The following L1CAM variants were observed in gnomAD, a reference collection of about 807,000 sequenced individuals.
L1CAM encodes the protein L1 cell adhesion molecule.
A neutral mutation model predicts 93.0 loss-of-function variants in L1CAM; 8 were observed. The ratio of observed to expected loss-of-function variants is 0.09; its 90% CI spans 0.05 to 0.16. The LOEUF is 0.16. Among genes scored for constraint, L1CAM ranks in the 10% least tolerant of loss-of-function variants. The pLI is 1.00. For synonymous variants in L1CAM, 453 were observed against 453.0 expected (o/e 1.00, Z 0.00); for missense variants, 777 against 1,073.4 (o/e 0.72, Z 3.86).
intron 1 of L1CAM, chrX:153,885,857 ACCC>A: frequency 2.5e-6 from 2 of 798,355 alleles, no homozygotes; most frequent in Non-Finnish European, 3.1e-6. Context: ...GGGCTCGGGC[ACCC>A]GGCATCCCTC....
Position 153,870,722 on chromosome X carries a change from A to G in L1CAM, c.694+68T>C, listed in dbSNP as rs782819212. The G allele has an allele frequency of 2.8e-5, 30 of 1,078,803 alleles. 1 individual carries two copies. In the Admixed American group the frequency reaches 6.1e-4, roughly 22 times the overall value. The allele number at this position is 1,078,803 out of a possible 1,213,427, so 88.9% of individuals were successfully genotyped here. A position where few individuals can be genotyped will look rare whatever the true frequency, so the allele number is the denominator to read the frequency against. ...AAGCCTGGAGTTGTCAGATGGACCT[A>G]TGGTGGGAAGGGCCATGCCTGAGGG... On this transcript the variant is annotated intron_variant, in intron 7 of 28. Coordinates refer to ENST00000370060, the MANE Select transcript of L1CAM (RefSeq NM_001278116.2).
intron 1 of L1CAM, among the ~76,000 whole-genome samples, chrX:153,883,532 C>T (rs781811908): frequency 8.9e-6 from 1 of 112,375 alleles, no homozygotes; most frequent in South Asian, 3.6e-4. Context: ...GCTGCAGGCC[C>T]ATTCCAGATG....
chrX:153,863,129 C>T (rs1251257990), intron 28 of L1CAM, among the ~76,000 whole-genome samples: 1 of 111,925 alleles, frequency 8.9e-6, no homozygotes, highest in Non-Finnish European at 1.9e-5. Flanking sequence ...GGGCCTGGTT[C>T]CTGTCTGGGA....
Position 153,866,776 on chromosome X carries a change from G to A in L1CAM, c.2304C>T (p.Val768=). ...TGGACACCACCAGGAAGGGGTCGCT[G>A]ACAATCTGCTCCTGCCAGGGCCCTC... is the stretch of plus-strand genomic sequence containing the variant. ...GTRGPWQEQI[V]SDPFLVVSNT... The change falls in exon 19 of 29, where the codon GTC becomes GTT. Residue 768 remains valine, a synonymous_variant. Transcript: ENST00000370060. 5 of 1,211,526 alleles carry A rather than the reference G, an allele frequency of 4.1e-6. No individual in the cohort carries two copies. The highest frequency in any genetic ancestry group is 5.6e-6 in the Non-Finnish European group (5 of 895,182).
chrX:153,872,333 A>G lies in L1CAM; in HGVS notation c.219T>C (p.Gly73=), dbSNP rs1443862182. The change falls in exon 5 of 29, where the codon GGT becomes GGC. Residue 73 remains glycine, a synonymous_variant. Coordinates refer to ENST00000370060, the MANE Select transcript of L1CAM (RefSeq NM_001278116.2). ...PEVQFRWTRD[G]VHFKPKEELG... ...GCTCTTCCTTGGGTTTGAAGTGGAC[A>G]CCATCCCTCGTCCAGCGGAACCTGT... 3.3e-6 allele frequency: 4 copies of G among 1,205,020 alleles called. No individual in the cohort carries two copies. The highest frequency in any genetic ancestry group is 4.5e-6 in the Non-Finnish European group (4 of 893,712).
In L1CAM at chrX:153,885,250, C is replaced by A. The variant is rs2064871575; in HGVS notation, c.-109+815G>T. ...AGGGACCGCCTGAGCCAGTGAGGCC[C>A]ACCTTCCCTCACCCCTACCTGATGG... is the stretch of plus-strand genomic sequence containing the variant. On this transcript the variant is annotated intron_variant, in intron 1 of 28. Transcript: ENST00000370060. The A allele has an allele frequency of 1.3e-5, 5 of 396,760 alleles. No homozygotes were observed. The South Asian group carries it at 1.4e-4, about 11-fold the overall frequency. The allele number at this position is 396,760 out of a possible 1,213,427, so 32.7% of individuals were successfully genotyped here.
In L1CAM at chrX:153,867,137, G is replaced by A; in HGVS notation, c.2138-13C>T. On this transcript the variant is annotated splice_polypyrimidine_tract_variant and intron_variant, in intron 17 of 28. Transcript: ENST00000370060. ...TTCTTCTCTGGGGCTGGAAAGGAAA[G>A]TATTAACACATCAATGCTGCAGCCT... 8.4e-7 allele frequency: 1 copy of A among 1,188,971 alleles called. No individual in the cohort carries two copies. Among genetic ancestry groups the A allele is most frequent in the African/African-American group, 1.7e-5 (1 of 57,411 alleles).
At chrX:153,879,869 G>C (rs1042160165) in intron 1 of L1CAM, among the ~76,000 whole-genome samples, 1 of 112,182 alleles carries the variant, frequency 8.9e-6, no homozygotes, top group Non-Finnish European at 1.9e-5. Flanking sequence ...CCTGGCTGGA[G>C]GAGACGCACA....
intron 20 of L1CAM, 69 bp downstream of exon 20, chrX:153,865,635 G>A: frequency 9.9e-7 from 1 of 1,014,380 alleles, no homozygotes; most frequent in Non-Finnish European, 1.4e-6. Flanking sequence ...AGGTGGCAAA[G>A]CCCCCTCACC....
At chrX:153,885,125 A>G (rs2064870987) in intron 1 of L1CAM, among the ~76,000 whole-genome samples, 1 of 112,883 alleles carries the variant, frequency 8.9e-6, no homozygotes, top group Non-Finnish European at 1.9e-5. Context: ...AGAGGCCCCA[A>G]AAGTCTGACC....
At chrX:153,863,619 C>G in intron 26 of L1CAM, 70 bp from the exon 27 acceptor site, 2 of 986,438 alleles carry the variant, frequency 2.0e-6, no homozygotes, top group Non-Finnish European at 2.8e-6. Flanking sequence ...CCCCTCTACG[C>G]CCCGCACCCC....
At chrX:153,871,465 A>G (rs1017238454) in intron 5 of L1CAM, among the ~76,000 whole-genome samples, 5 of 109,659 alleles carry the variant, frequency 4.6e-5, no homozygotes, top group Non-Finnish European at 9.5e-5. Context: ...CTAGGAAAGG[A>G]CGGGTGGGGG....
intron 28 of L1CAM, 80 bp from the exon 29 acceptor site, chrX:153,862,974 C>A: frequency 1.3e-6 from 1 of 771,887 alleles, no homozygotes; most frequent in Non-Finnish European, 1.9e-6. Context: ...GGCAGACGCC[C>A]GCCTGCCTTC....
chrX:153,873,919 C>T (rs781992220), intron 2 of L1CAM, among the ~76,000 whole-genome samples: 18 of 112,442 alleles, frequency 1.6e-4, no homozygotes, highest in Non-Finnish European at 2.8e-4. Context: ...CTGGCCAGGG[C>T]GGCCTCGAGG....
Position 153,870,491 on chromosome X carries a change from T to C in L1CAM, c.703A>G (p.Met235Val), listed in dbSNP as rs1557092783. ...AGCAGGCGCGGCTTCCTGTCAATCA[T>C]GCTGTTGGCTGCCAGGAGAAAGTGG... ...IDLRVKATNS[M>V]IDRKPRLLFP... Residue 235 changes from methionine to valine, a missense_variant, in exon 8 of 29, where the codon ATG becomes GTG. Physicochemically the swap from Met to Val is conservative, Grantham distance 21. Coordinates refer to ENST00000370060, the MANE Select transcript of L1CAM (RefSeq NM_001278116.2). 2.5e-6 allele frequency: 3 copies of C among 1,205,921 alleles called. No homozygotes were observed. In the Admixed American group the frequency reaches 6.5e-5, roughly 26 times the overall value.
intron 2 of L1CAM, 183 bp downstream of exon 2, chrX:153,875,578 T>C: frequency 1.9e-6 from 1 of 522,318 alleles, no homozygotes; most frequent in East Asian, 3.6e-5. Context: ...CCCCGCACCT[T>C]CTACCCTGCC....
At position 153,862,905 on chromosome X, in the gene L1CAM, A is replaced by G. The variant is rs782225211; in HGVS notation, c.3543-11T>C. ...TTCTCCTCGTTGTCACTGCAGAGGC[A>G]CAGGGCAGGTGCGAGTGAGAGCACT... On this transcript the variant is annotated splice_polypyrimidine_tract_variant and intron_variant, in intron 28 of 28. Transcript: ENST00000370060. The G allele has an allele frequency of 1.3e-4, 153 of 1,187,702 alleles. No homozygotes were observed. The highest frequency in any genetic ancestry group is 1.7e-4 in the Non-Finnish European group (152 of 876,998).
chrX:153,884,125 C>T, intron 1 of L1CAM: 3 of 779,162 alleles, frequency 3.9e-6, no homozygotes, highest in Non-Finnish European at 5.3e-6. Context: ...AAAAAGAAAA[C>T]AAGTGACACC....
Position 153,869,528 on chromosome X carries a change from T to C in L1CAM, c.1259A>G (p.Tyr420Cys). The C allele has an allele frequency of 3.3e-6, 4 of 1,210,936 alleles. No homozygotes were observed. The highest frequency in any genetic ancestry group is 4.5e-6 in the Non-Finnish European group (4 of 895,254). The change falls in exon 11 of 29, where the codon TAC becomes TGC. Residue 420 changes from tyrosine to cysteine, a missense_variant. Physicochemically the swap from Tyr to Cys is radical, Grantham distance 194. Transcript: ENST00000370060. ...HGLLLANAYI[Y>C]VVQLPAKILT... ...GAAGGGAGGGCACTCACGGACAACG[T>C]AGATGTAGGCATTGGCCAGCAAGAG...
Sources: gnomAD v4.1 joint callset for allele counts (sites outside exome capture counted in the v4.1 genomes callset) on GRCh38, gnomAD v4.1.1 for gene constraint, MANE v1.5 for transcripts, NCBI Gene and HGNC (gene_info 2026-07-23, HGNC 2026-07-21) for gene names.